PPARGC1B: variants seen among roughly 807,000 people sequenced by gnomAD.
PPARGC1B encodes peroxisome proliferator-activated receptor gamma coactivator 1-beta.
In PPARGC1B, 34 loss-of-function variants were observed where a neutral mutation model predicts 101.6. The observed-to-expected ratio is 0.33, with a 90% confidence interval of 0.25 to 0.45. PPARGC1B has a LOEUF of 0.45. Ranked by LOEUF, PPARGC1B falls within the 20% of genes least tolerant of loss-of-function variation. The pLI is 1.00. For missense variants in PPARGC1B, 1,234 were observed against 1,317.6 expected (o/e 0.94, Z 0.98); for synonymous variants, 548 against 539.3 (o/e 1.02, Z -0.22).
intron 1 of PPARGC1B, among the ~76,000 whole-genome samples, chr5:149,770,765 G>C (rs1458773265): frequency 6.6e-6 from 1 of 151,380 alleles, no homozygotes; most frequent in African/African-American, 2.4e-5. Flanking sequence ...CCAGGAGTTC[G>C]AGGCTTCAGT....
At chr5:149,759,136 C>T (rs936026867) in intron 1 of PPARGC1B, among the ~76,000 whole-genome samples, 2 of 152,048 alleles carry the variant, frequency 1.3e-5, no homozygotes, top group Non-Finnish European at 2.9e-5. Flanking sequence ...TTTCATTTAG[C>T]ATTATATTGA....
intron 1 of PPARGC1B, among the ~76,000 whole-genome samples, chr5:149,800,765 A>G (rs1757405410): frequency 6.6e-6 from 1 of 152,246 alleles, no homozygotes; most frequent in East Asian, 1.9e-4. Flanking sequence ...GAAGAGGGCC[A>G]ACCGATTGAT....
intron 3 of PPARGC1B, among the ~76,000 whole-genome samples, chr5:149,827,389 G>A (rs1456329774): frequency 6.6e-6 from 1 of 152,176 alleles, no homozygotes; most frequent in South Asian, 2.1e-4. Flanking sequence ...TTGCTTTCAC[G>A]GTTAACTGTG....
In PPARGC1B at chr5:149,731,951, G is replaced by A. The variant is rs191677228; in HGVS notation, c.78+1531G>A. Among the ~76,000 whole-genome samples the A allele has an allele frequency of 4.6e-3, 694 of 152,254 alleles. 6 individuals are homozygous for A. The highest frequency in any genetic ancestry group is 0.016 in the African/African-American group (654 of 41,570). Reference sequence around the variant, plus strand: ...CGCGTGGTCGGTGGCGGGCGCGCTCGGGTGGGTTCGCGGCAGAGGCCGGAG... The same window carrying A: ...CGCGTGGTCGGTGGCGGGCGCGCTCAGGTGGGTTCGCGGCAGAGGCCGGAG... On this transcript the variant is annotated intron_variant, in intron 1 of 11. Coordinates refer to ENST00000309241, the MANE Select transcript of PPARGC1B (RefSeq NM_133263.4).
chr5:149,810,380 C>T lies in PPARGC1B; in HGVS notation c.79-10053C>T, dbSNP rs112635702. ...TGATAGGCCACCCTCCTGACAGGTG[C>T]CAGGATCCATGCTGCCGAAGGTGGG... is the stretch of plus-strand genomic sequence containing the variant. On this transcript the variant is annotated intron_variant, in intron 1 of 11. Coordinates refer to ENST00000309241, the MANE Select transcript of PPARGC1B (RefSeq NM_133263.4). 9.8e-4 allele frequency among the ~76,000 whole-genome samples: 149 copies of T among 152,340 alleles called. 1 individual carries two copies. The highest frequency in any genetic ancestry group is 3.2e-3 in the African/African-American group (133 of 41,580).
intron 1 of PPARGC1B, among the ~76,000 whole-genome samples, chr5:149,794,312 A>T (rs1757127244): frequency 6.6e-6 from 1 of 152,208 alleles, no homozygotes; most frequent in Admixed American, 6.5e-5. Flanking sequence ...TCATAAAATT[A>T]GCAAGTGTTA....
chr5:149,833,555 T>G lies in PPARGC1B; in HGVS notation c.1482T>G (p.Asp494Glu). ...TGGGCCCCTGGCTGACATTTGCAGATGAGCCGCTGGTCCCCTCGGAGCCCC... is the reference window on the plus strand; with the variant it reads ...TGGGCCCCTGGCTGACATTTGCAGAGGAGCCGCTGGTCCCCTCGGAGCCCC... Reference protein sequence around the residue: ...PELGPWLTFADEPLVPSEPQG... With the variant: ...PELGPWLTFAEEPLVPSEPQG... Residue 494 changes from aspartate (D) to glutamate (E), a missense_variant, in exon 5 of 12, where the codon GAT becomes GAG. Coordinates refer to ENST00000309241, the MANE Select transcript of PPARGC1B (RefSeq NM_133263.4). The surrounding 1 kb of genome is among the most constrained non-coding windows in gnomAD (Gnocchi z 4.1). The G allele has an allele frequency of 6.3e-7, 1 of 1,586,366 alleles. No homozygotes were observed.
chr5:149,836,236 C>G (rs372435504), intron 7 of PPARGC1B, 27 bp from the exon 8 acceptor site: 367 of 1,514,948 alleles, frequency 2.4e-4, no homozygotes, highest in Non-Finnish European at 3.0e-4. Flanking sequence ...CTGTCTTTAT[C>G]TTACCTTTCT....
intron 1 of PPARGC1B, among the ~76,000 whole-genome samples, chr5:149,748,131 C>G (rs1430328503): frequency 2.0e-5 from 3 of 152,058 alleles, no homozygotes; most frequent in Non-Finnish European, 4.4e-5. Flanking sequence ...ATGAGCACAG[C>G]CCAGGGTCTG....
At chr5:149,734,079 T>C (rs966073800) in intron 1 of PPARGC1B, among the ~76,000 whole-genome samples, 2 of 152,030 alleles carry the variant, frequency 1.3e-5, no homozygotes, top group African/African-American at 4.8e-5. Context: ...CCTAGCACTT[T>C]GGGAGGCCGA....
At position 149,837,015 on chromosome 5, in the gene PPARGC1B, T is replaced by G; in HGVS notation, c.2560T>G (p.Ser854Ala). 6.2e-7 allele frequency: 1 copy of G among 1,613,816 alleles called. No individual in the cohort carries two copies. Among genetic ancestry groups the G allele is most frequent in the Non-Finnish European group, 8.5e-7 (1 of 1,180,032 alleles). The change falls in exon 8 of 12, where the codon TCA becomes GCA. Residue 854 changes from serine to alanine, a missense_variant. Around this residue, in one of 3 missense-constraint regions of PPARGC1B, gnomAD observed 497 missense variants for 529.5 expected, o/e 0.94. Transcript: ENST00000309241. This position sits in a 1 kb window ranked among gnomAD's most constrained non-coding sequence, Gnocchi z 4.2. ...ANRQLCSRSR[S>A]SSGSSPCHSW... ...CCGGCAGCTCTGTTCCCGCAGCCGCTCAAGCTCTGGCTCTTCACCCTGCCA... is the reference window on the plus strand; with the variant it reads ...CCGGCAGCTCTGTTCCCGCAGCCGCGCAAGCTCTGGCTCTTCACCCTGCCA...
At chr5:149,821,509 G>C (rs1290112075) in intron 2 of PPARGC1B, among the ~76,000 whole-genome samples, 1 of 152,172 alleles carries the variant, frequency 6.6e-6, no homozygotes, top group East Asian at 1.9e-4. Flanking sequence ...GACACATTCA[G>C]ATTCATGATT....
intron 1 of PPARGC1B, among the ~76,000 whole-genome samples, chr5:149,731,571 G>A (rs1416666114): frequency 2.0e-5 from 3 of 151,968 alleles, no homozygotes; most frequent in Non-Finnish European, 4.4e-5. Flanking sequence ...TGGGAGCGCC[G>A]GTGCCGGCCC....
At chr5:149,825,770 C>A (rs1285856280) in intron 2 of PPARGC1B, among the ~76,000 whole-genome samples, 2 of 152,094 alleles carry the variant, frequency 1.3e-5, no homozygotes, top group South Asian at 4.2e-4. Context: ...GAGTAGCCAC[C>A]GGGAAGGGGA....
chr5:149,846,077 C>T, intron 11 of PPARGC1B, 163 bp downstream of exon 11: 1 of 762,090 alleles, frequency 1.3e-6, no homozygotes, highest in Admixed American at 2.3e-5. Flanking sequence ...TGCCTGAAGA[C>T]TACCATCCTG....
Position 149,735,523 on chromosome 5 carries a change from G to A in PPARGC1B, c.78+5103G>A, listed in dbSNP as rs144001685. 2.8e-3 allele frequency among the ~76,000 whole-genome samples: 419 copies of A among 152,326 alleles called. 6 individuals carry two copies. Among genetic ancestry groups the A allele is most frequent in the South Asian group, 0.025 (120 of 4,828 alleles). Reference sequence around the variant, plus strand: ...CTCCTTCATCGTCATCATCAGTGACGTTTACTGAGTATCCCCTATACCCCA... The same window carrying A: ...CTCCTTCATCGTCATCATCAGTGACATTTACTGAGTATCCCCTATACCCCA... On this transcript the variant is annotated intron_variant, in intron 1 of 11. Transcript: ENST00000309241.
downstream of PPARGC1B, among the ~76,000 whole-genome samples, chr5:149,855,445 A>G (rs1759922948): frequency 1.3e-5 from 2 of 152,202 alleles, no homozygotes; most frequent in Non-Finnish European, 2.9e-5. Context: ...TTGTTTTGGT[A>G]TATCAACTTT....
chr5:149,799,482 A>G (rs951375900), intron 1 of PPARGC1B, among the ~76,000 whole-genome samples: 2 of 152,084 alleles, frequency 1.3e-5, no homozygotes, highest in African/African-American at 4.8e-5. Flanking sequence ...GCAAAGGCTT[A>G]GGCTCGATTG....
rs1187625725 is a variant in PPARGC1B at position 149,799,413 on chromosome 5, GA to G, written c.79-21019del. Among the ~76,000 whole-genome samples the G allele has an allele frequency of 5.9e-5, 9 of 152,126 alleles. 1 individual carries two copies. The highest frequency in any genetic ancestry group is 2.2e-4 in the African/African-American group (9 of 41,418). On this transcript the variant is annotated intron_variant, in intron 1 of 11. Transcript: ENST00000309241. ...AGCTTCTTTGGCTTCAGGAGGCATG[GA>G]CCAAGATAGAAAGTAAAATAGTTAT...
Sources: gnomAD v4.1 joint callset for allele counts (sites outside exome capture counted in the v4.1 genomes callset) on GRCh38, gnomAD v4.1.1 for gene constraint, gnomAD v4.1.1 regional missense constraint, Gnocchi (gnomAD v3.1) non-coding constraint, MANE v1.5 for transcripts, NCBI Gene and HGNC (gene_info 2026-07-23, HGNC 2026-07-21) for gene names.